The following DMXL1 variants were observed in gnomAD, a reference collection of about 807,000 sequenced individuals.
DMXL1 encodes dmX-like protein 1.
In DMXL1, 99 loss-of-function variants were observed where a neutral mutation model predicts 319.2. The observed-to-expected ratio is 0.31, with a 90% CI of 0.26 to 0.37. The LOEUF (loss-of-function observed/expected upper bound fraction) is 0.37, where lower values mean the gene tolerates loss of function less well. Ranked by LOEUF, DMXL1 falls within the 10% of genes least tolerant of loss-of-function variation. DMXL1 has a pLI of 1.00. For synonymous variants in DMXL1, 1,385 were observed against 1,235.2 expected (o/e 1.12, Z -2.54); for missense variants, 3,745 against 3,595.6 (o/e 1.04, Z -1.06).
chr5:119,084,933 A>G (rs751128883), intron 1 of DMXL1, among the ~76,000 whole-genome samples: 1 of 151,828 alleles, frequency 6.6e-6, no homozygotes, highest in Non-Finnish European at 1.5e-5. Context: ...AATTCTTCCA[A>G]TCCATGAGCA....
chr5:119,217,849 G>A (rs1040628148), intron 35 of DMXL1, among the ~76,000 whole-genome samples: 9 of 152,030 alleles, frequency 5.9e-5, no homozygotes, highest in African/African-American at 1.7e-4. Flanking sequence ...TCTGTGCTAT[G>A]TCTGTCTTCT....
At chr5:119,113,826 C>G (rs1760207350) in intron 5 of DMXL1, among the ~76,000 whole-genome samples, 1 of 152,096 alleles carries the variant, frequency 6.6e-6, no homozygotes, top group Non-Finnish European at 1.5e-5. Context: ...GACAGAATTC[C>G]TCTTTGGATA....
intron 9 of DMXL1, among the ~76,000 whole-genome samples, chr5:119,123,261 C>T (rs933812859): frequency 1.3e-5 from 2 of 150,426 alleles, no homozygotes; most frequent in Non-Finnish European, 1.5e-5. Context: ...CAGTACAGTC[C>T]AGCTTCGGCT....
intron 1 of DMXL1, among the ~76,000 whole-genome samples, chr5:119,074,896 GT>G (rs1482986633): frequency 3.6e-4 from 55 of 152,236 alleles, no homozygotes; most frequent in African/African-American, 1.3e-3. Flanking sequence ...TTAATTAGCT[GT>G]TTATCCATTA....
In DMXL1 at chr5:119,118,978, A is replaced by G. The variant is rs749067891; in HGVS notation, c.907A>G (p.Lys303Glu). 1.2e-6 allele frequency: 2 copies of G among 1,612,192 alleles called. No individual in the cohort carries two copies. ...TAACTTCAAGAGAAATGCTTCCAGT[A>G]AAGAACGAGTTCAAAATGCTTTAGA... The part of the protein sequence containing the change: ...TNNFKRNASS[K>E]ERVQNALEVN... The change falls in exon 8 of 44, where the codon AAA (lysine) becomes GAA (glutamate). Residue 303 changes from lysine (K) to glutamate (E), a missense_variant. Coordinates refer to ENST00000539542, the MANE Select transcript of DMXL1 (RefSeq NM_001290321.3).
At chr5:119,103,704 T>G (rs1266532083) in intron 3 of DMXL1, among the ~76,000 whole-genome samples, 1 of 152,196 alleles carries the variant, frequency 6.6e-6, no homozygotes, top group Non-Finnish European at 1.5e-5. Context: ...GAATTAGTAA[T>G]TGGCAGTACT....
chr5:119,203,382 A>G lies in DMXL1; in HGVS notation c.7809A>G (p.Glu2603=). 1 of 1,608,016 alleles carries G rather than the reference A, an allele frequency of 6.2e-7. No homozygotes were observed. Among genetic ancestry groups the G allele is most frequent in the Non-Finnish European group, 8.5e-7 (1 of 1,177,280 alleles). The change falls in exon 33 of 44, where the codon GAA becomes GAG. Residue 2603 remains glutamate (E), a synonymous_variant. Coordinates refer to ENST00000539542, the MANE Select transcript of DMXL1 (RefSeq NM_001290321.3). ...RLWQYLVKQE[E]IQETFIKNIF... ...GGCAGTATTTGGTGAAGCAGGAAGA[A>G]ATTCAGGAAACCTTTATCAAAAATA...
In DMXL1 at chr5:119,197,792, A is replaced by G; in HGVS notation, c.7581A>G (p.Leu2527=). 1 of 1,614,156 alleles carries G rather than the reference A, an allele frequency of 6.2e-7. No individual in the cohort carries two copies. Among genetic ancestry groups the G allele is most frequent in the Non-Finnish European group, 8.5e-7 (1 of 1,180,002 alleles). Residue 2527 remains leucine, a synonymous_variant, in exon 32 of 44, where the codon CTA becomes CTG. Transcript: ENST00000539542. ...PVSSPLCHAV[L]KTLQCWEQVL... is the part of the protein sequence containing the mutation. ...GTTCACCTCTTTGTCATGCGGTTCTAAAAACTCTTCAATGTTGGGAACAAG... is the reference window on the plus strand; with the variant it reads ...GTTCACCTCTTTGTCATGCGGTTCTGAAAACTCTTCAATGTTGGGAACAAG...
intron 7 of DMXL1, among the ~76,000 whole-genome samples, chr5:119,116,959 A>G (rs1760983943): frequency 6.6e-6 from 1 of 151,900 alleles, no homozygotes; most frequent in Admixed American, 6.6e-5. Flanking sequence ...ACTGAATTTT[A>G]GTAGGTTATA....
intron 1 of DMXL1, among the ~76,000 whole-genome samples, chr5:119,084,765 G>A (rs552804931): frequency 2.6e-5 from 4 of 151,586 alleles, no homozygotes; most frequent in South Asian, 4.2e-4. Context: ...CTCGGGAGGC[G>A]AGGCAGGAGA....
intron 26 of DMXL1, among the ~76,000 whole-genome samples, chr5:119,176,914 CATT>C (rs1359692696): frequency 6.6e-6 from 1 of 152,030 alleles, no homozygotes. Flanking sequence ...AGTATGATAA[CATT>C]ATTTGTGTTT....
At position 119,098,078 on chromosome 5, in the gene DMXL1, G is replaced by A; in HGVS notation, c.187G>A (p.Val63Ile). The A allele has an allele frequency of 6.2e-7, 1 of 1,604,480 alleles. No homozygotes were observed. Among genetic ancestry groups the A allele is most frequent in the East Asian group, 2.3e-5 (1 of 44,410 alleles). ...AKHGNIQVGCVDCSMQQGKIA... is the reference protein window; with the variant it reads ...AKHGNIQVGCIDCSMQQGKIA... ...ACATGGAAATATTCAAGTGGGATGT[G>A]TAGACTGTTCAATGCAACAAGGCAA... The change falls in exon 2 of 44, where the codon GTA (valine) becomes ATA (isoleucine). Residue 63 changes from valine to isoleucine, a missense_variant. Physicochemically the swap from Val to Ile is conservative, Grantham distance 29 (BLOSUM62 3). Transcript: ENST00000539542.
rs922036833 is a variant in DMXL1, at chr5:119,244,469, C to T, written c.8815C>T (p.Arg2939Ter). The T allele has an allele frequency of 2.5e-6, 4 of 1,614,102 alleles. No individual in the cohort carries two copies. The highest frequency in any genetic ancestry group is 1.7e-5 in the Admixed American group (1 of 60,026). The change falls in exon 43 of 44, where the codon CGA becomes TGA. Residue 2939 changes from arginine to a stop codon, truncating the protein, a stop_gained. Transcript: ENST00000539542. LOFTEE classifies it high-confidence loss of function. ...TACATATGTATTTGACCTTTGTCAA[C>T]GACAACAGAGGCAGCTTTTCCAGAG... ...GFTYVFDLCQ[R>*]QQRQLFQSHD...
intron 34 of DMXL1, among the ~76,000 whole-genome samples, chr5:119,214,332 C>T (rs1464289679): frequency 1.3e-5 from 2 of 152,212 alleles, no homozygotes; most frequent in African/African-American, 4.8e-5. Flanking sequence ...ACCATTCCTA[C>T]TGCCCTAATC....
chr5:119,170,527 G>A lies in DMXL1; in HGVS notation c.5736G>A (p.Leu1912=). 6.2e-7 allele frequency: 1 copy of A among 1,613,666 alleles called. No individual in the cohort carries two copies. Among genetic ancestry groups the A allele is most frequent in the Non-Finnish European group, 8.5e-7 (1 of 1,179,812 alleles). Residue 1912 remains leucine (L), a synonymous_variant, in exon 24 of 44, where the codon TTG becomes TTA. Transcript: ENST00000539542. ...KDCSPSSPLK[L]DAREDKSSAV... ...GTTCTCCTTCTTCTCCATTAAAGTTGGATGCAAGGGAAGATAAGTCTTCTG... is the reference window on the plus strand; with the variant it reads ...GTTCTCCTTCTTCTCCATTAAAGTTAGATGCAAGGGAAGATAAGTCTTCTG...
In DMXL1 at chr5:119,103,078, A is replaced by T. The variant is rs184874677; in HGVS notation, c.285+1072A>T. Among the ~76,000 whole-genome samples, 32 of 151,080 alleles carry T rather than the reference A, an allele frequency of 2.1e-4. No individual in the cohort carries two copies. In the East Asian group the frequency reaches 6.2e-3, roughly 29 times the overall value. ...ACAGGTACTCCCAAACCTAAAATTA[A>T]AAGATTTTTTTTTTTTTTAAAAAAA... On this transcript the variant is annotated intron_variant, in intron 3 of 43. Coordinates refer to ENST00000539542, the MANE Select transcript of DMXL1 (RefSeq NM_001290321.3).
chr5:119,196,534 T>C (rs1581259623), intron 31 of DMXL1, 78 bp downstream of exon 31: 1 of 973,374 alleles, frequency 1.0e-6, no homozygotes, highest in Non-Finnish European at 1.6e-6. Flanking sequence ...TTTTTTTTTT[T>C]GGTCTGGACT....
At position 119,133,271 on chromosome 5, in the gene DMXL1, A is replaced by G. The variant is rs1442729053; in HGVS notation, c.1455A>G (p.Glu485=). 2 of 1,614,060 alleles carry G rather than the reference A, an allele frequency of 1.2e-6. No homozygotes were observed. Among genetic ancestry groups the G allele is most frequent in the Middle Eastern group, 1.6e-4 (1 of 6,084 alleles). Residue 485 remains glutamate (E), a synonymous_variant, in exon 11 of 44, where the codon GAA becomes GAG. Transcript: ENST00000539542. ...ATCAGATTGAAGTACTTCTGTCTGA[A>G]TGGAGTAAAAATGCAGATATGCTAT... ...IDHQIEVLLS[E]WSKNADMLFS... is the part of the protein sequence containing the mutation.
chr5:119,128,862 G>T (rs191215295), intron 9 of DMXL1, among the ~76,000 whole-genome samples: 1 of 152,062 alleles, frequency 6.6e-6, no homozygotes, highest in Non-Finnish European at 1.5e-5. Context: ...TTGGGAGATC[G>T]AGACCATCTT....
Sources: allele counts gnomAD v4.1 joint callset (sites outside exome capture counted in the v4.1 genomes callset), GRCh38; gene constraint gnomAD v4.1.1; transcripts MANE v1.5; gene names NCBI Gene and HGNC (gene_info 2026-07-23, HGNC 2026-07-21).